Variants in SETD1B observed in about 807,000 individuals in gnomAD.
SETD1B encodes SET domain containing 1B, histone lysine methyltransferase.
In SETD1B, 7 loss-of-function variants were observed where a neutral mutation model predicts 148.0. That is an observed-to-expected ratio of 0.05 (90% confidence interval 0.03 to 0.09). The LOEUF (loss-of-function observed/expected upper bound fraction) is 0.09. Among genes scored for constraint, SETD1B ranks in the 10% least tolerant of loss-of-function variants. The pLI is 1.00. For synonymous variants in SETD1B, 1,361 were observed against 1,186.5 expected, an observed-to-expected ratio of 1.15 and a Z score of -3.02; for missense variants, 2,155 against 2,729.9, an observed-to-expected ratio of 0.79 and a Z score of 4.69.
chr12:121,830,496 A>C lies in SETD1B; in HGVS notation c.*257A>C. ...AACGCCCCTTTCAGGATTTCTGTTT[A>C]ACTCCAGCATCAGCTTCTCTCTCTC... On this transcript the variant is annotated 3_prime_UTR_variant, in exon 17 of 17. Coordinates refer to ENST00000604567, the MANE Select transcript of SETD1B (RefSeq NM_001353345.2). The surrounding 1 kb of genome is among the most constrained non-coding windows in gnomAD (Gnocchi z 5.7). 1 of 401,414 alleles carries C rather than the reference A, an allele frequency of 2.5e-6. No individual in the cohort carries two copies. Among genetic ancestry groups the C allele is most frequent in the Non-Finnish European group, 4.5e-6 (1 of 222,340 alleles). The allele number at this position is 401,414 out of a possible 1,614,324, so 24.9% of individuals were successfully genotyped here.
In SETD1B at chr12:121,817,631, CGGAGGAGGAGGA is replaced by C. The variant is rs71079098; in HGVS notation, c.3249_3260del (p.Glu1084_Glu1087del). Reference sequence around the variant, plus strand: ...GAGAGCACCGAGGAGGAAGAGGAGGCGGAGGAGGAGGAGGAGGAGGAAGTCCCCAGGAGCCAG... The same window carrying C: ...GAGAGCACCGAGGAGGAAGAGGAGGCGGAGGAGGAAGTCCCCAGGAGCCAG... On this transcript the variant is annotated inframe_deletion, in exon 9 of 17. Coordinates refer to ENST00000604567, the MANE Select transcript of SETD1B (RefSeq NM_001353345.2). The surrounding 1 kb of genome is among the most constrained non-coding windows in gnomAD (Gnocchi z 8.1). 1.3e-6 allele frequency: 2 copies of C among 1,548,486 alleles called. No homozygotes were observed. The highest frequency in any genetic ancestry group is 1.2e-5 in the South Asian group (1 of 83,932).
the SETD1B span, among the ~76,000 whole-genome samples, chr12:121,790,945 C>T: frequency 6.6e-6 from 1 of 152,168 alleles, no homozygotes; most frequent in Non-Finnish European, 1.5e-5. Flanking sequence ...GTGATCTTGA[C>T]TCACTGCAAT....
At chr12:121,818,884 C>T (rs902141135) in intron 10 of SETD1B, among the ~76,000 whole-genome samples, 5 of 143,512 alleles carry the variant, frequency 3.5e-5, no homozygotes, top group East Asian at 2.0e-4. Flanking sequence ...AGCGAGACTC[C>T]GTCTCAAAAA....
intron 10 of SETD1B, among the ~76,000 whole-genome samples, chr12:121,818,777 C>G (rs1283696836): frequency 1.3e-5 from 2 of 151,462 alleles, no homozygotes; most frequent in African/African-American, 4.9e-5. Flanking sequence ...GTAGTCCTAG[C>G]TACTCAGGAG....
At chr12:121,824,644 C>G (rs889461296) in intron 12 of SETD1B, among the ~76,000 whole-genome samples, 6 of 150,274 alleles carry the variant, frequency 4.0e-5, no homozygotes, top group African/African-American at 1.5e-4. Context: ...AAGACTCTGT[C>G]TCAAAAAAAA....
rs1877082403 is a variant in SETD1B, at chr12:121,831,309, A to G, written c.*1070A>G. 1 of 151,842 alleles carries G rather than the reference A, an allele frequency of 6.6e-6. No homozygotes were observed. The highest frequency in any genetic ancestry group is 2.1e-4 in the South Asian group (1 of 4,824). 9.4% of individuals were successfully genotyped at this position (151,842 alleles called of 1,614,324 possible). A position where few individuals can be genotyped will look rare whatever the true frequency, so the allele number is the denominator to read the frequency against. Reference sequence around the variant, plus strand: ...CCCCTCAACCTAAGAAGGCCAGAGCATATTTATTTTCGGAGGGAGCAGATT... The same window carrying G: ...CCCCTCAACCTAAGAAGGCCAGAGCGTATTTATTTTCGGAGGGAGCAGATT... On this transcript the variant is annotated 3_prime_UTR_variant, in exon 17 of 17. Transcript: ENST00000604567.
In SETD1B at chr12:121,808,729, G is replaced by A. The variant is rs952516505; in HGVS notation, c.657+409G>A. On this transcript the variant is annotated intron_variant, in intron 5 of 16. Coordinates refer to ENST00000604567, the MANE Select transcript of SETD1B (RefSeq NM_001353345.2). This position sits in a 1 kb window ranked among gnomAD's most constrained non-coding sequence, Gnocchi z 5.3. ...ACCCAGAAACCAGAGTTCATGCCCTGCCTTCCAGAGCAAGGCTGACTCCTT... is the reference window on the plus strand; with the variant it reads ...ACCCAGAAACCAGAGTTCATGCCCTACCTTCCAGAGCAAGGCTGACTCCTT... 6.6e-6 allele frequency among the ~76,000 whole-genome samples: 1 copy of A among 152,238 alleles called. No individual in the cohort carries two copies. The highest frequency in any genetic ancestry group is 1.5e-5 in the Non-Finnish European group (1 of 68,044).
chr12:121,805,779 G>A lies in SETD1B; in HGVS notation c.274-56G>A, dbSNP rs538904696. ...GCGGGCGGGGCGGGGGGGATGTTGT[G>A]TTTTCCCTTAGGTTTAAACGTTCTT... On this transcript the variant is annotated intron_variant, in intron 3 of 16. Transcript: ENST00000604567. This position sits in a 1 kb window ranked among gnomAD's most constrained non-coding sequence, Gnocchi z 4.2. The A allele has an allele frequency of 2.0e-6, 3 of 1,498,680 alleles. No individual in the cohort carries two copies. Among genetic ancestry groups the A allele is most frequent in the Middle Eastern group, 1.9e-4 (1 of 5,136 alleles). 92.8% of individuals were successfully genotyped at this position (1,498,680 alleles called of 1,614,324 possible). A position where few individuals can be genotyped will look rare whatever the true frequency, so the allele number is the denominator to read the frequency against.
chr12:121,811,902 C>A (rs1330225168), intron 6 of SETD1B, among the ~76,000 whole-genome samples: 1 of 152,074 alleles, frequency 6.6e-6, no homozygotes, highest in Admixed American at 6.5e-5. Flanking sequence ...GGGGCCTTGG[C>A]AGGGGGCGTT....
chr12:121,792,713 T>C, the SETD1B span, among the ~76,000 whole-genome samples: 2 of 152,202 alleles, frequency 1.3e-5, no homozygotes, highest in African/African-American at 2.4e-5. Flanking sequence ...CACAGGCTGA[T>C]CTGCAGCCGG....
At chr12:121,825,647 G>GA (rs1555338330) in intron 13 of SETD1B, among the ~76,000 whole-genome samples, 2 of 147,732 alleles carry the variant, frequency 1.4e-5, no homozygotes, top group African/African-American at 4.9e-5. Context: ...TTTTGCTTGG[G>GA]TTTTTTTTTT....
chr12:121,831,095 C>T lies in SETD1B; in HGVS notation c.*856C>T, dbSNP rs1007391295. The T allele has an allele frequency of 2.0e-5, 3 of 152,254 alleles. No homozygotes were observed. Among genetic ancestry groups the T allele is most frequent in the East Asian group, 1.9e-4 (1 of 5,196 alleles). The allele number at this position is 152,254 out of a possible 1,614,324, so 9.4% of individuals were successfully genotyped here. A position where few individuals can be genotyped will look rare whatever the true frequency, so the allele number is the denominator to read the frequency against. On this transcript the variant is annotated 3_prime_UTR_variant, in exon 17 of 17. Coordinates refer to ENST00000604567, the MANE Select transcript of SETD1B (RefSeq NM_001353345.2). ...CGGAGGCCCCAGTGCAGGTGAGGGG[C>T]GCTGAGAACGCGGGCAGCCACTCTC... is the stretch of plus-strand genomic sequence containing the variant.
chr12:121,829,512 AC>A (rs1024324109), intron 16 of SETD1B, among the ~76,000 whole-genome samples: 2 of 152,176 alleles, frequency 1.3e-5, no homozygotes, highest in African/African-American at 4.8e-5. Context: ...CAAAGACAGT[AC>A]CCAGGGCTGC....
intron 6 of SETD1B, among the ~76,000 whole-genome samples, chr12:121,811,894 GGCCTTGGCAGGGGGCGTT>G (rs1422223664): frequency 1.3e-5 from 2 of 152,176 alleles, no homozygotes; most frequent in Admixed American, 1.3e-4. Flanking sequence ...CCAGGCAGGG[GGCCTTGGCAGGGGGCGTT>G]GACAGGTGTG....
In SETD1B at chr12:121,830,052, C is replaced by T. The variant is rs547508475; in HGVS notation, c.5728-14C>T. The T allele has an allele frequency of 2.8e-5, 43 of 1,546,134 alleles. No homozygotes were observed. The highest frequency in any genetic ancestry group is 1.2e-4 in the East Asian group (5 of 40,800). On this transcript the variant is annotated splice_polypyrimidine_tract_variant and intron_variant, in intron 16 of 16. Transcript: ENST00000604567. This position sits in a 1 kb window ranked among gnomAD's most constrained non-coding sequence, Gnocchi z 5.7. ...GGGACCAGGGGCTCATTCTCCCCCC[C>T]ACCTTGCCTGCAGCCCAACTGCTAT...
chr12:121,814,695 G>T lies in SETD1B; in HGVS notation c.2480G>T (p.Gly827Val), dbSNP rs1277689517. 1 of 1,550,462 alleles carries T rather than the reference G, an allele frequency of 6.4e-7. No individual in the cohort carries two copies. The highest frequency in any genetic ancestry group is 8.7e-7 in the Non-Finnish European group (1 of 1,146,908). Reference sequence around the variant, plus strand: ...GGCCCCTTCTCCCTGAGCAACTCCGGCCCAGGCCGCGGGCAGCACTGGCCA... The same window carrying T: ...GGCCCCTTCTCCCTGAGCAACTCCGTCCCAGGCCGCGGGCAGCACTGGCCA... The part of the protein sequence containing the change: ...YRGPFSLSNS[G>V]PGRGQHWPPL... The change falls in exon 7 of 17, where the codon GGC becomes GTC. Residue 827 changes from glycine to valine, a missense_variant. Around this residue, in one of 11 missense-constraint regions of SETD1B, gnomAD observed 289 missense variants for 423.7 expected, o/e 0.68. Coordinates refer to ENST00000604567, the MANE Select transcript of SETD1B (RefSeq NM_001353345.2).
rs1450991406 is a variant in SETD1B, at chr12:121,817,786, C to A, written c.3313-13C>A. ...CTTCGGCTCACCTGTCCCCACTCTTCCTTCTCCCCCAGGATGACGACGATG... is the reference window on the plus strand; with the variant it reads ...CTTCGGCTCACCTGTCCCCACTCTTACTTCTCCCCCAGGATGACGACGATG... On this transcript the variant is annotated splice_polypyrimidine_tract_variant and intron_variant, in intron 9 of 16. Coordinates refer to ENST00000604567, the MANE Select transcript of SETD1B (RefSeq NM_001353345.2). The surrounding 1 kb of genome is among the most constrained non-coding windows in gnomAD (Gnocchi z 8.1). 4.7e-5 allele frequency: 72 copies of A among 1,546,310 alleles called. No homozygotes were observed. The highest frequency in any genetic ancestry group is 5.6e-5 in the Non-Finnish European group (64 of 1,143,986).
At chr12:121,791,461 C>T in the SETD1B span, among the ~76,000 whole-genome samples, 2 of 152,170 alleles carry the variant, frequency 1.3e-5, no homozygotes, top group Non-Finnish European at 2.9e-5. Flanking sequence ...GGGTCAAAGC[C>T]CAGATCTGAC....
the SETD1B span, chr12:121,798,009 A>G: frequency 5.4e-4 from 105 of 192,976 alleles, no homozygotes; most frequent in African/African-American, 2.4e-3. Flanking sequence ...GGAGGAGCCA[A>G]CAGCACCACG....
Sources: gnomAD v4.1 joint callset for allele counts (sites outside exome capture counted in the v4.1 genomes callset) on GRCh38, gnomAD v4.1.1 for gene constraint, gnomAD v4.1.1 regional missense constraint, Gnocchi (gnomAD v3.1) non-coding constraint, MANE v1.5 for transcripts, NCBI Gene and HGNC (gene_info 2026-07-23, HGNC 2026-07-21) for gene names.